Variants in STAT5B observed in about 807,000 individuals in gnomAD.
STAT5B encodes the protein signal transducer and activator of transcription 5B.
A neutral mutation model predicts 107.8 loss-of-function variants in STAT5B; 21 were observed. The observed-to-expected ratio is 0.19, with a 90% CI of 0.14 to 0.28. The LOEUF (loss-of-function observed/expected upper bound fraction) is 0.28, where lower values mean the gene tolerates loss of function less well. Among genes scored for constraint, STAT5B ranks in the 10% least tolerant of loss-of-function variants. The pLI, the probability that STAT5B is intolerant of heterozygous loss-of-function variation, is 1.00. For synonymous variants in STAT5B, 325 were observed against 401.7 expected, an observed-to-expected ratio of 0.81 and a Z score of 2.28; for missense variants, 565 against 1,008.2, an observed-to-expected ratio of 0.56 and a Z score of 5.95.
chr17:42,288,105 C>T, the STAT5B span: 2 of 152,226 alleles, frequency 1.3e-5, no homozygotes, highest in African/African-American at 4.8e-5. The surrounding 1 kb of genome is among the most constrained non-coding windows in gnomAD (Gnocchi z 4.8). Context: ...GCCAATTGGT[C>T]CACTTTTCCC....
At chr17:42,207,976 C>G (rs1308872578) in intron 15 of STAT5B, among the ~76,000 whole-genome samples, 4 of 152,160 alleles carry the variant, frequency 2.6e-5, no homozygotes, top group Admixed American at 6.5e-5. Flanking sequence ...CTCACTGCAA[C>G]CTCCAACTCC....
At chr17:42,225,359 C>T (rs1007115981) in intron 3 of STAT5B, among the ~76,000 whole-genome samples, 11 of 152,042 alleles carry the variant, frequency 7.2e-5, no homozygotes, top group African/African-American at 2.7e-4. Flanking sequence ...CTAAAGTATC[C>T]GGGGAACATT....
chr17:42,217,546 A>C (rs1408762370), intron 9 of STAT5B, 82 bp from the exon 10 acceptor site: 5 of 1,513,960 alleles, frequency 3.3e-6, no homozygotes, highest in Admixed American at 3.5e-5. Context: ...TTGGGGTAGC[A>C]GGAAATAGAG....
intron 1 of STAT5B, among the ~76,000 whole-genome samples, chr17:42,259,644 G>A (rs371325865): frequency 7.9e-5 from 12 of 151,964 alleles, no homozygotes; most frequent in Admixed American, 5.9e-4. Context: ...AAAATTAGCC[G>A]GGCGTGGTGG....
At chr17:42,274,275 G>C (rs1486962039) in intron 1 of STAT5B, among the ~76,000 whole-genome samples, 2 of 66,002 alleles carry the variant, frequency 3.0e-5, no homozygotes, top group African/African-American at 6.4e-5. Flanking sequence ...CTGATGGTTT[G>C]CTTTACAAAA....
intron 1 of STAT5B, among the ~76,000 whole-genome samples, chr17:42,261,233 A>C (rs2080593717): frequency 6.6e-6 from 1 of 152,168 alleles, no homozygotes; most frequent in African/African-American, 2.4e-5. Context: ...GAATTAAACG[A>C]GATTATCATG....
rs368293957 is a variant in STAT5B at position 42,217,135 on chromosome 17, A to G, written c.1380+25T>C. The G allele has an allele frequency of 2.5e-6, 4 of 1,603,710 alleles. No homozygotes were observed. In the African/African-American group the frequency reaches 4.0e-5, roughly 16 times the overall value. ...ACCACACACACACACGCACACGCACACGCAGAGCTGAGGGAAGGCTTTACC... is the reference window on the plus strand; with the variant it reads ...ACCACACACACACACGCACACGCACGCGCAGAGCTGAGGGAAGGCTTTACC... On this transcript the variant is annotated intron_variant, in intron 11 of 18. Coordinates refer to ENST00000293328, the MANE Select transcript of STAT5B (RefSeq NM_012448.4).
intron 1 of STAT5B, among the ~76,000 whole-genome samples, chr17:42,263,807 A>G (rs2080639406): frequency 6.6e-6 from 1 of 151,446 alleles, no homozygotes; most frequent in Non-Finnish European, 1.5e-5. Flanking sequence ...AAATATAGGC[A>G]TGAGTCACTG....
chr17:42,228,097 T>G (rs965691285), intron 2 of STAT5B, among the ~76,000 whole-genome samples: 1 of 152,200 alleles, frequency 6.6e-6, no homozygotes, highest in African/African-American at 2.4e-5. Flanking sequence ...GCCAAGACTC[T>G]TCTACATGTC....
chr17:42,270,765 G>A (rs987524689), intron 1 of STAT5B: 2 of 152,170 alleles, frequency 1.3e-5, no homozygotes, highest in African/African-American at 2.4e-5. Flanking sequence ...TAGGGATGCA[G>A]TCTCTGGAAT....
At chr17:42,231,244 A>T (rs543212907) in intron 2 of STAT5B, among the ~76,000 whole-genome samples, 1 of 152,252 alleles carries the variant, frequency 6.6e-6, no homozygotes, top group Non-Finnish European at 1.5e-5. Context: ...GGGGTCAAGC[A>T]ATCCTCCCAC....
the STAT5B span, among the ~76,000 whole-genome samples, chr17:42,284,806 G>A: frequency 6.6e-6 from 1 of 152,210 alleles, no homozygotes; most frequent in African/African-American, 2.4e-5. Context: ...CACAAGGCCC[G>A]GCAACTTGGA....
In STAT5B at chr17:42,219,990, G is replaced by C. The variant is rs913455240; in HGVS notation, c.551-148C>G. 5.8e-5 allele frequency: 81 copies of C among 1,400,484 alleles called. 1 individual carries two copies. The East Asian group carries it at 2.0e-3, about 35-fold the overall frequency. The allele number at this position is 1,400,484 out of a possible 1,614,324, so 86.8% of individuals were successfully genotyped here. Reference sequence around the variant, plus strand: ...GTCGGGGTTCCTGACAGCCAGGGGGGCCAAGATGAATGGGTGCCCCAGGAG... The same window carrying C: ...GTCGGGGTTCCTGACAGCCAGGGGGCCCAAGATGAATGGGTGCCCCAGGAG... On this transcript the variant is annotated intron_variant, in intron 5 of 18. Transcript: ENST00000293328.
At position 42,218,168 on chromosome 17, in the gene STAT5B, C is replaced by T; in HGVS notation, c.1152G>A (p.Lys384=). 1.2e-6 allele frequency: 2 copies of T among 1,614,134 alleles called. No homozygotes were observed. The highest frequency in any genetic ancestry group is 2.2e-5 in the East Asian group (1 of 44,884). The stretch of plus-strand genomic sequence containing the variant: ...ACAATTACTTGCGGGTGTTCTCGTT[C>T]TTGAGCAGAGACTTGGCCTGCTGCT... ...ISEQQAKSLL[K]NENTRNDYSG... is the part of the protein sequence containing the mutation. The change falls in exon 9 of 19, where the codon AAG becomes AAA. Residue 384 remains lysine (K), a synonymous_variant. Coordinates refer to ENST00000293328, the MANE Select transcript of STAT5B (RefSeq NM_012448.4).
intron 13 of STAT5B, 141 bp downstream of exon 13, chr17:42,211,843 G>A: frequency 1.6e-6 from 2 of 1,286,514 alleles, no homozygotes; most frequent in Non-Finnish European, 2.2e-6. Context: ...CTCTCAAGTT[G>A]TCCATCTAGT....
Position 42,202,246 on chromosome 17 carries a change from C to T in STAT5B, c.2237+94G>A, listed in dbSNP as rs1056739990. The T allele has an allele frequency of 7.7e-6, 11 of 1,437,310 alleles. No homozygotes were observed. The African/African-American group carries it at 1.6e-4, about 20-fold the overall frequency. 89.0% of individuals were successfully genotyped at this position (1,437,310 alleles called of 1,614,324 possible). ...CTGTGTGGTCTCAGACCTAGAGGAG[C>T]TCTGGATTCCTTTGACCCCAGCCCT... is the stretch of plus-strand genomic sequence containing the variant. On this transcript the variant is annotated intron_variant, in intron 18 of 18. Coordinates refer to ENST00000293328, the MANE Select transcript of STAT5B (RefSeq NM_012448.4).
chr17:42,253,107 C>CCTTTCTTTCTTTCTTTCTTTCTTT (rs3048166), intron 1 of STAT5B, among the ~76,000 whole-genome samples: 1 of 148,424 alleles, frequency 6.7e-6, no homozygotes, highest in East Asian at 1.9e-4. Context: ...AGACGTTGAA[C>CCTTTCTTTCTTTCTTTCTTTCTTT]CTTTCTTTCT....
At chr17:42,258,674 G>C (rs187159854) in intron 1 of STAT5B, among the ~76,000 whole-genome samples, 1 of 152,202 alleles carries the variant, frequency 6.6e-6, no homozygotes, top group Non-Finnish European at 1.5e-5. Flanking sequence ...GCGAGACTCC[G>C]TCTCAAAACA....
chr17:42,202,125 A>C (rs2080049438), intron 18 of STAT5B: 1 of 651,606 alleles, frequency 1.5e-6, no homozygotes, highest in Non-Finnish European at 2.7e-6. Flanking sequence ...CCATATTGAG[A>C]GAGGGGAACA....
Sources: allele counts gnomAD v4.1 joint callset (sites outside exome capture counted in the v4.1 genomes callset), GRCh38; gene constraint gnomAD v4.1.1; non-coding constraint Gnocchi (gnomAD v3.1); transcripts MANE v1.5; gene names NCBI Gene and HGNC (gene_info 2026-07-23, HGNC 2026-07-21).